Variants in SH3D19 observed in about 807,000 individuals in gnomAD.
The protein encoded by SH3D19 is SH3 domain-containing protein 19.
SH3D19 carries 58 observed loss-of-function variants against 112.1 expected under a neutral mutation model. That is an observed-to-expected ratio of 0.52 (90% confidence interval 0.42 to 0.64). The LOEUF (loss-of-function observed/expected upper bound fraction) is 0.64, where lower values mean the gene tolerates loss of function less well. Among genes scored for constraint, SH3D19 ranks in the 30% least tolerant of loss-of-function variants. The pLI is 0.00. For missense variants in SH3D19, 1,090 were observed against 1,263.4 expected (o/e 0.86, Z 2.08); for synonymous variants, 391 against 448.5 (o/e 0.87, Z 1.62).
At chr4:151,168,322 TC>T (rs1467906861) in intron 7 of SH3D19, among the ~76,000 whole-genome samples, 1 of 151,998 alleles carries the variant, frequency 6.6e-6, no homozygotes, top group African/African-American at 2.4e-5. Context: ...ACATTGTCTT[TC>T]CAAAAACTGG....
At chr4:151,132,236 A>G (rs1750873184) in intron 17 of SH3D19, 95 bp downstream of exon 17, 4 of 973,834 alleles carry the variant, frequency 4.1e-6, no homozygotes, top group African/African-American at 1.7e-5. Context: ...TTGAAAAATT[A>G]ATTCATACTA....
At chr4:151,292,494 TA>T (rs1001963468) in intron 1 of SH3D19, among the ~76,000 whole-genome samples, 5 of 152,066 alleles carry the variant, frequency 3.3e-5, no homozygotes, top group African/African-American at 1.2e-4. Context: ...TTCACATCTA[TA>T]AAAAAACACT....
intron 1 of SH3D19, among the ~76,000 whole-genome samples, chr4:151,252,107 C>T (rs1474438311): frequency 2.0e-5 from 3 of 152,188 alleles, no homozygotes; most frequent in Admixed American, 6.5e-5. Context: ...TGGGATCTGT[C>T]CCCTGCTCAA....
At chr4:151,270,983 T>C (rs1456573139) in intron 1 of SH3D19, among the ~76,000 whole-genome samples, 1 of 152,208 alleles carries the variant, frequency 6.6e-6, no homozygotes, top group African/African-American at 2.4e-5. Context: ...GAGTGTAGTG[T>C]CCCAATCATA....
intron 1 of SH3D19, among the ~76,000 whole-genome samples, chr4:151,272,539 C>T (rs1055518662): frequency 1.3e-5 from 2 of 152,168 alleles, no homozygotes; most frequent in African/African-American, 4.8e-5. Flanking sequence ...AAATCAGGAT[C>T]CAAACACACT....
chr4:151,206,471 G>T (rs566615001), intron 2 of SH3D19, among the ~76,000 whole-genome samples: 1 of 152,174 alleles, frequency 6.6e-6, no homozygotes, highest in South Asian at 2.1e-4. Context: ...CATGGCTTTT[G>T]TTTCTCCATA....
intron 13 of SH3D19, 64 bp downstream of exon 13, chr4:151,139,711 C>G: frequency 6.8e-7 from 1 of 1,463,272 alleles, no homozygotes; most frequent in South Asian, 1.2e-5. Flanking sequence ...GGCTAACCCC[C>G]GGCAGGGAAA....
chr4:151,279,771 A>G, intron 1 of SH3D19: 1 of 1,611,270 alleles, frequency 6.2e-7, no homozygotes, highest in Non-Finnish European at 8.5e-7. Context: ...AGGTTTCCAC[A>G]TTTCCCTTTC....
At chr4:151,139,667 A>T in intron 13 of SH3D19, 108 bp downstream of exon 13, 1 of 924,640 alleles carries the variant, frequency 1.1e-6, no homozygotes, top group Non-Finnish European at 1.7e-6. Flanking sequence ...CGGACTCTAT[A>T]GGCACAGAAA....
intron 2 of SH3D19, among the ~76,000 whole-genome samples, chr4:151,193,051 G>A (rs1353252673): frequency 1.3e-5 from 2 of 151,216 alleles, no homozygotes; most frequent in African/African-American, 2.4e-5. Flanking sequence ...TGTAACATGT[G>A]CCCACTACTG....
intron 2 of SH3D19, among the ~76,000 whole-genome samples, chr4:151,213,643 T>C (rs1459223817): frequency 2.0e-5 from 3 of 151,100 alleles, no homozygotes; most frequent in South Asian, 2.1e-4. Flanking sequence ...AGATCCTGTC[T>C]TGGAGGGAGG....
intron 1 of SH3D19, among the ~76,000 whole-genome samples, chr4:151,266,765 C>T (rs997053242): frequency 6.6e-6 from 1 of 152,204 alleles, no homozygotes; most frequent in African/African-American, 2.4e-5. Context: ...CTCTGGATAA[C>T]ATGACATATC....
At chr4:151,317,387 C>T (rs780423157) in intron 1 of SH3D19, among the ~76,000 whole-genome samples, 1 of 152,178 alleles carries the variant, frequency 6.6e-6, no homozygotes, top group Non-Finnish European at 1.5e-5. Context: ...AGCTAATTGA[C>T]AGATGGGATT....
At chr4:151,286,030 T>TAAA (rs771668211) in intron 1 of SH3D19, among the ~76,000 whole-genome samples, 1 of 128,834 alleles carries the variant, frequency 7.8e-6, no homozygotes, top group Non-Finnish European at 1.7e-5. Context: ...ACCCTATCTC[T>TAAA]AAAAAAAAAA....
At chr4:151,287,332 C>T (rs1774899128) in intron 1 of SH3D19, among the ~76,000 whole-genome samples, 1 of 112,004 alleles carries the variant, frequency 8.9e-6, no homozygotes, top group African/African-American at 3.4e-5. Context: ...CAGAGCAAGA[C>T]TCTGTCTCCA....
chr4:151,124,107 G>C (rs576207933), intron 19 of SH3D19, among the ~76,000 whole-genome samples: 85 of 71,004 alleles, frequency 1.2e-3, no homozygotes, highest in African/African-American at 2.6e-3. Flanking sequence ...CTGAGGGCTA[G>C]GACTATTTTT....
At chr4:151,182,258 G>A (rs1445985312) in intron 3 of SH3D19, among the ~76,000 whole-genome samples, 2 of 152,170 alleles carry the variant, frequency 1.3e-5, no homozygotes, top group East Asian at 1.9e-4. Flanking sequence ...TAAAGTGCTA[G>A]GATTACAGGC....
intron 1 of SH3D19, among the ~76,000 whole-genome samples, chr4:151,308,350 G>A (rs1291889832): frequency 6.6e-6 from 1 of 152,172 alleles, no homozygotes; most frequent in Admixed American, 6.5e-5. Context: ...AAGTCAGAGT[G>A]GTCAGTTTAT....
At position 151,133,043 on chromosome 4, in the gene SH3D19, T is replaced by C; in HGVS notation, c.2680A>G (p.Asn894Asp). The stretch of plus-strand genomic sequence containing the variant: ...AATTCTCTATACTCACTTAAAACAT[T>C]TGCACCAGAGGTGGGATAATCCTCA... The part of the protein sequence containing the change: ...PVEDYPTSGA[N>D]VLSTKVPLKT... Residue 894 changes from asparagine to aspartate, a missense_variant, in exon 16 of 20, where the codon AAT (asparagine) becomes GAT (aspartate). Transcript: ENST00000604030. 6.2e-7 allele frequency: 1 copy of C among 1,613,844 alleles called. No individual in the cohort carries two copies. The highest frequency in any genetic ancestry group is 8.5e-7 in the Non-Finnish European group (1 of 1,179,864).
Sources: allele counts gnomAD v4.1 joint callset (sites outside exome capture counted in the v4.1 genomes callset), GRCh38; gene constraint gnomAD v4.1.1; transcripts MANE v1.5; gene names NCBI Gene and HGNC (gene_info 2026-07-23, HGNC 2026-07-21).